The following INVS variants were observed in gnomAD, a reference collection of about 807,000 sequenced individuals.
INVS encodes inversion of embryo turning homolog.
Under a neutral mutation model 108.8 loss-of-function variants are expected in INVS, and 86 were observed. The ratio of observed to expected loss-of-function variants is 0.79; its 90% CI spans 0.66 to 0.95. The LOEUF (loss-of-function observed/expected upper bound fraction) is 0.95. Ranked by LOEUF, INVS falls within the 40% of genes least tolerant of loss-of-function variation. The pLI is 0.00. For missense variants in INVS, 1,169 were observed against 1,297.4 expected, an observed-to-expected ratio of 0.90 and a Z score of 1.52; for synonymous variants, 455 against 473.5, an observed-to-expected ratio of 0.96 and a Z score of 0.51.
At chr9:100,184,483 A>C (rs1829997316) in intron 3 of INVS, among the ~76,000 whole-genome samples, 1 of 152,180 alleles carries the variant, frequency 6.6e-6, no homozygotes. Flanking sequence ...CAAAGTCCTC[A>C]CCATTTTGTA....
chr9:100,300,004 A>G (rs972726098), intron 16 of INVS, among the ~76,000 whole-genome samples: 2 of 152,256 alleles, frequency 1.3e-5, no homozygotes, highest in Non-Finnish European at 2.9e-5. Context: ...AGCAAAATAT[A>G]GCAATGTCTT....
At chr9:100,200,785 A>G (rs1467017487) in intron 3 of INVS, among the ~76,000 whole-genome samples, 1 of 152,198 alleles carries the variant, frequency 6.6e-6, no homozygotes, top group African/African-American at 2.4e-5. Flanking sequence ...GTCTATATGC[A>G]TATATGGGGC....
At chr9:100,128,941 T>A (rs1827964370) in intron 3 of INVS, among the ~76,000 whole-genome samples, 1 of 152,028 alleles carries the variant, frequency 6.6e-6, no homozygotes, top group Non-Finnish European at 1.5e-5. Flanking sequence ...TTTTAGCACT[T>A]TAGAAAGGCC....
rs188369527 is a variant in INVS at position 100,288,036 on chromosome 9, C to T, written c.2068+3433C>T. Reference sequence around the variant, plus strand: ...TGGTAAGACAGGAACAGAATAACCACAGTAGACAAAAGAGGGTGGAATAGG... The same window carrying T: ...TGGTAAGACAGGAACAGAATAACCATAGTAGACAAAAGAGGGTGGAATAGG... On this transcript the variant is annotated intron_variant, in intron 13 of 16. Transcript: ENST00000262457. Among the ~76,000 whole-genome samples the T allele has an allele frequency of 1.4e-4, 22 of 152,320 alleles. No individual in the cohort carries two copies. The East Asian group carries it at 4.2e-3, about 29-fold the overall frequency.
At chr9:100,179,643 C>T (rs1241122544) in intron 3 of INVS, among the ~76,000 whole-genome samples, 2 of 152,072 alleles carry the variant, frequency 1.3e-5, no homozygotes, top group Non-Finnish European at 2.9e-5. Context: ...ATTCATAAAG[C>T]AAGTTCTCAG....
chr9:100,269,881 T>C (rs999635968), intron 11 of INVS, among the ~76,000 whole-genome samples: 11 of 152,236 alleles, frequency 7.2e-5, no homozygotes, highest in African/African-American at 2.7e-4. Flanking sequence ...CAGCAGTGAA[T>C]GTCCTGTAAT....
chr9:100,205,342 T>C (rs1564157835), intron 3 of INVS, among the ~76,000 whole-genome samples: 1 of 152,154 alleles, frequency 6.6e-6, no homozygotes, highest in African/African-American at 2.4e-5. Context: ...CCTTGTCATT[T>C]GGATCAATAG....
chr9:100,187,971 C>T (rs1275748340), intron 3 of INVS, among the ~76,000 whole-genome samples: 1 of 152,152 alleles, frequency 6.6e-6, no homozygotes, highest in African/African-American at 2.4e-5. Flanking sequence ...TGATTTGATG[C>T]TCTGCATGGT....
chr9:100,178,964 A>G (rs1829798502), intron 3 of INVS, among the ~76,000 whole-genome samples: 1 of 152,224 alleles, frequency 6.6e-6, no homozygotes, highest in Admixed American at 6.5e-5. Flanking sequence ...ACAAGCCAGA[A>G]GAGAGTGAGG....
chr9:100,173,783 A>T (rs1454599076), intron 3 of INVS, among the ~76,000 whole-genome samples: 2 of 152,146 alleles, frequency 1.3e-5, no homozygotes, highest in African/African-American at 2.4e-5. Flanking sequence ...AGAAATTCAT[A>T]TAAGGGAAGG....
chr9:100,127,588 G>C (rs1450816911), intron 3 of INVS, among the ~76,000 whole-genome samples: 1 of 151,996 alleles, frequency 6.6e-6, no homozygotes, highest in Non-Finnish European at 1.5e-5. Flanking sequence ...GGAACTATTA[G>C]AGTTATTTTC....
chr9:100,271,097 G>A (rs1032631141), intron 11 of INVS, among the ~76,000 whole-genome samples: 1 of 152,136 alleles, frequency 6.6e-6, no homozygotes, highest in Non-Finnish European at 1.5e-5. Context: ...GTTCACTGAA[G>A]ACTCAATGTT....
chr9:100,124,409 C>T (rs961053733), intron 2 of INVS, among the ~76,000 whole-genome samples: 2 of 151,872 alleles, frequency 1.3e-5, no homozygotes, highest in Non-Finnish European at 2.9e-5. Context: ...TTTCAATCAT[C>T]GAAACATAAC....
intron 3 of INVS, among the ~76,000 whole-genome samples, chr9:100,138,895 T>TG (rs11433638): frequency 0.21 from 31,850 of 151,630 alleles, 5,675 homozygotes; most frequent in African/African-American, 0.49. Flanking sequence ...TTAGTAGAGA[T>TG]GGGTTTCACC....
chr9:100,297,039 A>C lies in INVS; in HGVS notation c.2909A>C (p.Glu970Ala). 1 of 1,613,964 alleles carries C rather than the reference A, an allele frequency of 6.2e-7. No homozygotes were observed. Among genetic ancestry groups the C allele is most frequent in the Non-Finnish European group, 8.5e-7 (1 of 1,179,976 alleles). The change falls in exon 15 of 17, where the codon GAA becomes GCA. Residue 970 changes from glutamate (E) to alanine (A), a missense_variant. This residue lies in a region of INVS where 533 missense variants were observed against 536.0 expected (regional missense o/e 0.99). Transcript: ENST00000262457. ...CTCCAGGTTTGGAGGAAGGAACTGGAACTAAAATTCCCCCAAACCACTGCA... is the reference window on the plus strand; with the variant it reads ...CTCCAGGTTTGGAGGAAGGAACTGGCACTAAAATTCCCCCAAACCACTGCA... ...LLLQVWRKEL[E>A]LKFPQTTAVS... is the part of the protein sequence containing the mutation.
intron 3 of INVS, among the ~76,000 whole-genome samples, chr9:100,178,930 G>A (rs1170539978): frequency 6.6e-6 from 1 of 152,130 alleles, no homozygotes; most frequent in South Asian, 2.1e-4. Flanking sequence ...TCAGACTAAC[G>A]GTGGATCTCT....
intron 3 of INVS, among the ~76,000 whole-genome samples, chr9:100,214,705 A>C (rs1378660956): frequency 2.0e-5 from 3 of 152,238 alleles, no homozygotes. Flanking sequence ...AGAATTAAGA[A>C]CCACCAATGC....
At position 100,292,796 on chromosome 9, in the gene INVS, C is replaced by T. The variant is rs1041470924; in HGVS notation, c.2539C>T (p.His847Tyr). Residue 847 changes from histidine (H) to tyrosine (Y), a missense_variant, in exon 14 of 17, where the codon CAT (histidine) becomes TAT (tyrosine). This residue lies in a region of INVS where 533 missense variants were observed against 536.0 expected (regional missense o/e 0.99). Coordinates refer to ENST00000262457, the MANE Select transcript of INVS (RefSeq NM_014425.5). ...CAAGCTCACAGGAGGGCTCTATTCA[C>T]ATTTGCCACAGAGCACAGAGGAGTT... Reference protein sequence around the residue: ...QAKLTGGLYSHLPQSTEELRS... With the variant: ...QAKLTGGLYSYLPQSTEELRS... The T allele has an allele frequency of 3.1e-6, 5 of 1,614,046 alleles. No homozygotes were observed. In the Admixed American group the frequency reaches 5.0e-5, roughly 16 times the overall value.
intron 3 of INVS, among the ~76,000 whole-genome samples, chr9:100,142,501 G>A (rs1828464616): frequency 6.6e-6 from 1 of 152,134 alleles, no homozygotes; most frequent in Non-Finnish European, 1.5e-5. Flanking sequence ...GAAATGGGGT[G>A]AATGTCAGGT....
Sources: gnomAD v4.1 joint callset for allele counts (sites outside exome capture counted in the v4.1 genomes callset) on GRCh38, gnomAD v4.1.1 for gene constraint, gnomAD v4.1.1 regional missense constraint, MANE v1.5 for transcripts, NCBI Gene and HGNC (gene_info 2026-07-23, HGNC 2026-07-21) for gene names.